Variants in FSTL4 observed in about 807,000 individuals in gnomAD.
FSTL4 encodes the protein follistatin-related protein 4.
A neutral mutation model predicts 78.2 loss-of-function variants in FSTL4; 28 were observed. The ratio of observed to expected loss-of-function variants is 0.36; its 90% CI spans 0.27 to 0.49. FSTL4 has a LOEUF of 0.49. FSTL4 is among the 20% of genes least tolerant of loss of function. The pLI is 0.98. For synonymous variants in FSTL4, 422 were observed against 440.5 expected (o/e 0.96, Z 0.53); for missense variants, 922 against 1,084.9 (o/e 0.85, Z 2.11).
At chr5:133,292,913 G>A (rs953544367) in intron 6 of FSTL4, among the ~76,000 whole-genome samples, 1 of 152,234 alleles carries the variant, frequency 6.6e-6, no homozygotes. Context: ...TCGTGGTCTA[G>A]CTTCACTGTA....
intron 6 of FSTL4, among the ~76,000 whole-genome samples, chr5:133,283,657 G>C (rs942722592): frequency 6.6e-6 from 1 of 152,154 alleles, no homozygotes; most frequent in African/African-American, 2.4e-5. Flanking sequence ...AGGTGCATTT[G>C]CCAGGGGCAG....
At chr5:133,621,000 T>C in the FSTL4 span, among the ~76,000 whole-genome samples, 1 of 152,160 alleles carries the variant, frequency 6.6e-6, no homozygotes. Context: ...CAATTCATAA[T>C]TGCAAAATCG....
intron 4 of FSTL4, among the ~76,000 whole-genome samples, chr5:133,325,485 C>T (rs11950737): frequency 0.051 from 7,701 of 152,146 alleles, 623 homozygotes; most frequent in African/African-American, 0.17. Context: ...GAGAGGGGAA[C>T]GCAGGACATG....
At chr5:133,330,295 G>T (rs569121588) in intron 4 of FSTL4, among the ~76,000 whole-genome samples, 4 of 152,306 alleles carry the variant, frequency 2.6e-5, no homozygotes, top group East Asian at 1.9e-4. Context: ...TATAAGAAAA[G>T]AATTGGCTCA....
chr5:133,410,645 G>A (rs775533223), intron 3 of FSTL4, among the ~76,000 whole-genome samples: 3 of 152,150 alleles, frequency 2.0e-5, no homozygotes, highest in African/African-American at 7.2e-5. Flanking sequence ...GCCCCGGTCC[G>A]CACCTTGCCT....
chr5:133,518,815 T>A (rs767073174), intron 3 of FSTL4, among the ~76,000 whole-genome samples: 6 of 152,244 alleles, frequency 3.9e-5, no homozygotes, highest in Non-Finnish European at 7.3e-5. Flanking sequence ...TTTGCTATAT[T>A]TCCAAATTGG....
intron 6 of FSTL4, among the ~76,000 whole-genome samples, chr5:133,286,577 T>G (rs561156525): frequency 6.8e-4 from 104 of 152,312 alleles, no homozygotes; most frequent in Non-Finnish European, 1.3e-3. Context: ...ATGACCCCTG[T>G]GGCTCTCTGG....
At chr5:133,694,519 C>G in the FSTL4 span, among the ~76,000 whole-genome samples, 1 of 152,260 alleles carries the variant, frequency 6.6e-6, no homozygotes, top group African/African-American at 2.4e-5. Flanking sequence ...CTTCTCCTGG[C>G]GCTCACAGCC....
intron 4 of FSTL4, among the ~76,000 whole-genome samples, chr5:133,374,580 T>A (rs1467004672): frequency 6.6e-6 from 1 of 152,216 alleles, no homozygotes; most frequent in East Asian, 1.9e-4. Context: ...AATGTTTGTG[T>A]CTCCCCAAAT....
intron 6 of FSTL4, among the ~76,000 whole-genome samples, chr5:133,263,483 C>T (rs1211562055): frequency 6.6e-6 from 1 of 151,804 alleles, no homozygotes; most frequent in East Asian, 1.9e-4. Context: ...GGGTGTGGCT[C>T]ACTTGTGCCC....
At chr5:133,508,710 G>T (rs1282462088) in intron 3 of FSTL4, among the ~76,000 whole-genome samples, 1 of 152,320 alleles carries the variant, frequency 6.6e-6, no homozygotes, top group East Asian at 1.9e-4. Flanking sequence ...AGCATCTGAG[G>T]ATTTTAGTAT....
intron 3 of FSTL4, among the ~76,000 whole-genome samples, chr5:133,545,285 G>A (rs567853376): frequency 3.9e-4 from 60 of 152,280 alleles, no homozygotes; most frequent in Non-Finnish European, 7.2e-4. Context: ...TTTAAGAGGC[G>A]ATTAGGTCAC....
At chr5:133,691,165 G>A in the FSTL4 span, among the ~76,000 whole-genome samples, 2 of 152,114 alleles carry the variant, frequency 1.3e-5, no homozygotes, top group African/African-American at 2.4e-5. Context: ...TTTTGTTACT[G>A]AATTTTATTT....
At chr5:133,795,916 G>A in the FSTL4 span, among the ~76,000 whole-genome samples, 1 of 152,190 alleles carries the variant, frequency 6.6e-6, no homozygotes, top group Non-Finnish European at 1.5e-5. Flanking sequence ...TGGGGAGGAG[G>A]TCACCTGGAG....
the FSTL4 span, among the ~76,000 whole-genome samples, chr5:133,727,401 A>C: frequency 0.012 from 1,758 of 152,280 alleles, 45 homozygotes; most frequent in African/African-American, 0.04. Context: ...AGCTGTATCT[A>C]TATAATAAAT....
chr5:133,693,233 A>G, the FSTL4 span, among the ~76,000 whole-genome samples: 4 of 152,338 alleles, frequency 2.6e-5, no homozygotes, highest in East Asian at 7.7e-4. Context: ...TGACTCTCTC[A>G]TAAACATTTA....
At chr5:133,743,096 C>T in the FSTL4 span, among the ~76,000 whole-genome samples, 1 of 152,176 alleles carries the variant, frequency 6.6e-6, no homozygotes, top group Non-Finnish European at 1.5e-5. Flanking sequence ...AAAATTCCTT[C>T]TGCCTCTCAG....
intron 3 of FSTL4, among the ~76,000 whole-genome samples, chr5:133,405,211 CACT>C (rs1756329802): frequency 6.6e-6 from 1 of 152,248 alleles, no homozygotes; most frequent in African/African-American, 2.4e-5. Context: ...CACCCCAACT[CACT>C]ATGAGGCCTC....
chr5:133,408,581 G>A (rs1756419051), intron 3 of FSTL4, among the ~76,000 whole-genome samples: 1 of 151,748 alleles, frequency 6.6e-6, no homozygotes, highest in Non-Finnish European at 1.5e-5. Flanking sequence ...GTGGAGCGGG[G>A]GCGGGGTGGG....
Sources: gnomAD v4.1 joint callset for allele counts (sites outside exome capture counted in the v4.1 genomes callset) on GRCh38, gnomAD v4.1.1 for gene constraint, MANE v1.5 for transcripts, NCBI Gene and HGNC (gene_info 2026-07-23, HGNC 2026-07-21) for gene names.